Variants in ARHGEF4 observed in about 807,000 individuals in gnomAD.
ARHGEF4 encodes the protein APC-stimulated guanine nucleotide exchange factor 1.
Under a neutral mutation model 162.0 loss-of-function variants are expected in ARHGEF4, and 119 were observed. That is an observed-to-expected ratio of 0.73 (90% confidence interval 0.63 to 0.86). The LOEUF (loss-of-function observed/expected upper bound fraction) is 0.86. ARHGEF4 is among the 40% of genes least tolerant of loss of function. The pLI is 0.00. For synonymous variants in ARHGEF4, 1,014 were observed against 979.9 expected (o/e 1.03, Z -0.65); for missense variants, 2,488 against 2,456.0 (o/e 1.01, Z -0.28).
chr2:131,046,104 A>G lies in ARHGEF4; in HGVS notation c.5546A>G (p.Gln1849Arg). 1.2e-6 allele frequency: 2 copies of G among 1,613,000 alleles called. No homozygotes were observed. Among genetic ancestry groups the G allele is most frequent in the Non-Finnish European group, 1.7e-6 (2 of 1,179,898 alleles). The stretch of plus-strand genomic sequence containing the variant: ...GCCCTGCCCAGCAACCGGCCCCAGC[A>G]GCAGGTCCTGGTGCTGGCGGAGCCC... The part of the protein sequence containing the change: ...HPALPSNRPQ[Q>R]QVLVLAEPRR... The change falls in exon 14 of 14, where the codon CAG becomes CGG. Residue 1849 changes from glutamine (Q) to arginine (R), a missense_variant. This residue lies in a region of ARHGEF4 where 415 missense variants were observed against 512.4 expected (regional missense o/e 0.81). Transcript: ENST00000409359.
chr2:130,852,204 CTAGTGGTGGAGACAGG>C (rs1681461627), intron 1 of ARHGEF4, among the ~76,000 whole-genome samples: 1 of 152,196 alleles, frequency 6.6e-6, no homozygotes, highest in Non-Finnish European at 1.5e-5. Context: ...GCTCATGGGT[CTAGTGGTGGAGACAGG>C]TGGGCTGGCC....
At chr2:130,897,637 T>C (rs144216842) in intron 1 of ARHGEF4, among the ~76,000 whole-genome samples, 6 of 152,326 alleles carry the variant, frequency 3.9e-5, no homozygotes, top group Admixed American at 3.9e-4. Context: ...GAGTGCCCAC[T>C]ACTTGCCGGC....
intron 4 of ARHGEF4, among the ~76,000 whole-genome samples, chr2:130,992,138 C>G (rs530320801): frequency 6.6e-6 from 1 of 151,998 alleles, no homozygotes; most frequent in Non-Finnish European, 1.5e-5. Context: ...GGGGACGAGG[C>G]GAACCTTTGT....
chr2:131,020,589 C>T (rs1164393762), intron 4 of ARHGEF4, among the ~76,000 whole-genome samples: 5 of 152,020 alleles, frequency 3.3e-5, no homozygotes, highest in South Asian at 2.1e-4. Context: ...TCCAGTCTGT[C>T]GTTGTTGGAC....
rs1690529257 is a variant in ARHGEF4 at position 131,038,987 on chromosome 2, C to T, written c.4260C>T (p.Gly1420=). ...CCACCAACAGAGAGTGGTGGTGGGG[C>T]CGGGTCGCCGATGGCGAGGGCTGGT... The part of the protein sequence containing the change: ...MDATNREWWW[G]RVADGEGWFP... The change falls in exon 6 of 14, where the codon GGC becomes GGT. Residue 1420 remains glycine (G), a synonymous_variant. Transcript: ENST00000409359. 1 of 1,613,552 alleles carries T rather than the reference C, an allele frequency of 6.2e-7. No homozygotes were observed. Among genetic ancestry groups the T allele is most frequent in the East Asian group, 2.2e-5 (1 of 44,876 alleles).
intron 1 of ARHGEF4, among the ~76,000 whole-genome samples, chr2:130,881,082 G>A (rs532053341): frequency 6.6e-6 from 1 of 152,164 alleles, no homozygotes; most frequent in East Asian, 1.9e-4. Flanking sequence ...GCCCAGGCTG[G>A]GGTACAGTGG....
At chr2:130,887,278 C>A (rs1037672882) in intron 1 of ARHGEF4, among the ~76,000 whole-genome samples, 5 of 151,716 alleles carry the variant, frequency 3.3e-5, no homozygotes, top group African/African-American at 1.2e-4. Flanking sequence ...CTACAATGAG[C>A]CATGATCATG....
chr2:131,019,631 T>G (rs540791644), intron 4 of ARHGEF4, among the ~76,000 whole-genome samples: 9 of 37,720 alleles, frequency 2.4e-4, no homozygotes, highest in Non-Finnish European at 1.5e-3. Context: ...CTTTGGTTTT[T>G]GTTTTTGTTT....
In ARHGEF4 at chr2:130,917,457, T is replaced by C; in HGVS notation, c.3511T>C (p.Leu1171=). ...GGAAGGAGGCCAGGGTCCGCGCGGC[T>C]TGGGCACAGTGCCCTGGCTCAGGGA... The part of the protein sequence containing the change: ...SREGGQGPRG[L]GTVPWLRDLP... Residue 1171 remains leucine, a synonymous_variant, in exon 2 of 14, where the codon TTG becomes CTG. Transcript: ENST00000409359. 1 of 1,550,526 alleles carries C rather than the reference T, an allele frequency of 6.4e-7. No homozygotes were observed. The highest frequency in any genetic ancestry group is 8.7e-7 in the Non-Finnish European group (1 of 1,146,986).
At position 131,046,098 on chromosome 2, in the gene ARHGEF4, C is replaced by T; in HGVS notation, c.5540C>T (p.Pro1847Leu). 3 of 1,612,952 alleles carry T rather than the reference C, an allele frequency of 1.9e-6. No individual in the cohort carries two copies. Among genetic ancestry groups the T allele is most frequent in the Non-Finnish European group, 2.5e-6 (3 of 1,179,892 alleles). ...CACCCAGCCCTGCCCAGCAACCGGC[C>T]CCAGCAGCAGGTCCTGGTGCTGGCG... ...QKHPALPSNR[P>L]QQQVLVLAEP... is the part of the protein sequence containing the mutation. The change falls in exon 14 of 14, where the codon CCC becomes CTC. Residue 1847 changes from proline to leucine, a missense_variant. By Grantham distance (98) the Pro-to-Leu change is moderately conservative. Around this residue, in one of 6 missense-constraint regions of ARHGEF4, gnomAD observed 415 missense variants for 512.4 expected, o/e 0.81. Transcript: ENST00000409359.
intron 1 of ARHGEF4, among the ~76,000 whole-genome samples, chr2:130,883,387 G>A (rs753295408): frequency 4.6e-5 from 7 of 152,038 alleles, no homozygotes; most frequent in Admixed American, 1.3e-4. Flanking sequence ...GTGGAATGCC[G>A]GAGCAGTGTG....
intron 5 of ARHGEF4, among the ~76,000 whole-genome samples, chr2:131,034,449 C>G (rs549055853): frequency 6.6e-6 from 1 of 152,332 alleles, no homozygotes; most frequent in South Asian, 2.1e-4. Flanking sequence ...GAACACAATG[C>G]TGCTCGGACG....
intron 8 of ARHGEF4, among the ~76,000 whole-genome samples, chr2:131,040,826 C>CT (rs1173919237): frequency 6.6e-6 from 1 of 152,200 alleles, no homozygotes; most frequent in Non-Finnish European, 1.5e-5. Flanking sequence ...CCAAGGTTCA[C>CT]TGGGCCGCTC....
chr2:131,034,684 G>A (rs1690102515), intron 5 of ARHGEF4, among the ~76,000 whole-genome samples: 1 of 152,158 alleles, frequency 6.6e-6, no homozygotes, highest in Non-Finnish European at 1.5e-5. Flanking sequence ...CAGGCGTTTT[G>A]GCCTCTGTAT....
At chr2:130,876,872 A>G (rs574812482) in intron 1 of ARHGEF4, among the ~76,000 whole-genome samples, 17 of 152,302 alleles carry the variant, frequency 1.1e-4, no homozygotes, top group African/African-American at 4.1e-4. Flanking sequence ...CCTGAAGTAA[A>G]GGCTCAGCAG....
chr2:130,995,669 G>A (rs1297222420), intron 4 of ARHGEF4, among the ~76,000 whole-genome samples: 1 of 152,144 alleles, frequency 6.6e-6, no homozygotes, highest in Admixed American at 6.5e-5. Context: ...AAGGAACTCT[G>A]AGAACTAGCA....
At chr2:131,035,310 A>C in intron 5 of ARHGEF4, 6 of 1,182,644 alleles carry the variant, frequency 5.1e-6, no homozygotes, top group Non-Finnish European at 6.3e-6. Flanking sequence ...GGGCGACGGC[A>C]CTCCAGCCGT....
intron 4 of ARHGEF4, among the ~76,000 whole-genome samples, chr2:131,008,489 C>G (rs546723173): frequency 4.1e-4 from 62 of 152,156 alleles, no homozygotes; most frequent in Non-Finnish European, 6.8e-4. Flanking sequence ...ACAACAGTCT[C>G]TTTCTTTTAA....
intron 1 of ARHGEF4, among the ~76,000 whole-genome samples, chr2:130,878,396 C>T (rs1678996686): frequency 6.6e-6 from 1 of 152,104 alleles, no homozygotes; most frequent in African/African-American, 2.4e-5. Context: ...TACTCACAGG[C>T]CAGAAAGAGC....
Sources: gnomAD v4.1 joint callset for allele counts (sites outside exome capture counted in the v4.1 genomes callset) on GRCh38, gnomAD v4.1.1 for gene constraint, gnomAD v4.1.1 regional missense constraint, MANE v1.5 for transcripts, NCBI Gene and HGNC (gene_info 2026-07-23, HGNC 2026-07-21) for gene names.